PHYKPL: variants seen among roughly 807,000 people sequenced by gnomAD.
PHYKPL encodes 5-phosphohydroxy-L-lysine phospho-lyase, also known as 5-phosphonooxy-L-lysine phospho-lyase.
A neutral mutation model predicts 51.3 loss-of-function variants in PHYKPL; 42 were observed. The ratio of observed to expected loss-of-function variants is 0.82; its 90% confidence interval spans 0.64 to 1.06. PHYKPL has a LOEUF of 1.06. Among genes scored for constraint, PHYKPL ranks in the 50% least tolerant of loss-of-function variants. The pLI is 0.00. For synonymous variants in PHYKPL, 264 were observed against 236.0 expected, an observed-to-expected ratio of 1.12 and a Z score of -1.09; for missense variants, 655 against 586.6, an observed-to-expected ratio of 1.12 and a Z score of -1.20.
rs767243282 is a variant in PHYKPL, at chr5:178,225,458, GAGAGT to G, written c.339-34_339-30del. The G allele has an allele frequency of 1.9e-6, 3 of 1,612,644 alleles. No homozygotes were observed. In the South Asian group the frequency reaches 3.3e-5, roughly 18 times the overall value. ...TGACCGAAAAGGTGGGCATGACTGA[GAGAGT>G]AGTCTAAGAGCTTCCCAGAGAGAAA... On this transcript the variant is annotated intron_variant, in intron 3 of 12. Coordinates refer to ENST00000308158, the MANE Select transcript of PHYKPL (RefSeq NM_153373.4).
intron 8 of PHYKPL, chr5:178,216,148 C>T (rs1759734419): frequency 6.6e-6 from 1 of 151,570 alleles, no homozygotes; most frequent in African/African-American, 2.4e-5. Context: ...TGCAACCGTC[C>T]CGCTACTACT....
At chr5:178,212,023 T>G (rs1758608830) in intron 11 of PHYKPL, 53 bp from the exon 12 acceptor site, 1 of 1,594,550 alleles carries the variant, frequency 6.3e-7, no homozygotes. Flanking sequence ...CTGCTGAAGA[T>G]GCCCTGTTGA....
intron 4 of PHYKPL, chr5:178,225,007 A>C: frequency 1.8e-6 from 1 of 566,960 alleles, no homozygotes; most frequent in Non-Finnish European, 3.1e-6. Flanking sequence ...CTGGTTTATA[A>C]TGAATCTTAA....
chr5:178,212,304 T>A (rs1252145071), intron 11 of PHYKPL, among the ~76,000 whole-genome samples: 1 of 152,202 alleles, frequency 6.6e-6, no homozygotes, highest in Non-Finnish European at 1.5e-5. Flanking sequence ...AGCCCTGGGA[T>A]TAAGCATACC....
chr5:178,228,716 T>G, intron 3 of PHYKPL: 1 of 676,030 alleles, frequency 1.5e-6, no homozygotes, highest in Non-Finnish European at 2.7e-6. Flanking sequence ...TGTTGGAATG[T>G]TCTCTCCCAG....
chr5:178,231,850 T>C (rs879317445), intron 1 of PHYKPL: 1 of 1,343,904 alleles, frequency 7.4e-7, no homozygotes, highest in Non-Finnish European at 9.8e-7. Flanking sequence ...CCATGGGGAC[T>C]CCATAAGGCC....
At chr5:178,232,816 G>GCGCCCCGGGCCT (rs1160445557), upstream of PHYKPL, 1 of 305,956 alleles carries the variant, frequency 3.3e-6, no homozygotes, top group Non-Finnish European at 5.8e-6. Flanking sequence ...GTTCCGGGAC[G>GCGCCCCGGGCCT]CGCCCCGGGC....
chr5:178,213,856 G>A (rs910840085), intron 10 of PHYKPL, among the ~76,000 whole-genome samples: 5 of 152,234 alleles, frequency 3.3e-5, no homozygotes, highest in African/African-American at 1.2e-4. Flanking sequence ...GACGGCCCTG[G>A]GGCCAGATCT....
In PHYKPL at chr5:178,232,428, C is replaced by CGTGCGTGCGTGCGTA. The variant is rs1763695742; in HGVS notation, c.59+63_59+64insTACGCACGCACGCAC. The CGTGCGTGCGTGCGTA allele has an allele frequency of 3.1e-5, 43 of 1,367,768 alleles. No individual in the cohort carries two copies. The East Asian group carries it at 8.9e-4, about 28-fold the overall frequency. The allele number at this position is 1,367,768 out of a possible 1,614,324, so 84.7% of individuals were successfully genotyped here. On this transcript the variant is annotated intron_variant, in intron 1 of 12. Transcript: ENST00000308158. Reference sequence around the variant, plus strand: ...GTGCGTAGTGCGTGCGTGCGTGCGTCGTGCGTGCGCGTGCCTCTCCGCGCA... The same window carrying CGTGCGTGCGTGCGTA: ...GTGCGTAGTGCGTGCGTGCGTGCGTCGTGCGTGCGTGCGTAGTGCGTGCGCGTGCCTCTCCGCGCA...
intron 12 of PHYKPL, chr5:178,210,494 C>A (rs543597841): frequency 3.9e-6 from 6 of 1,544,254 alleles, no homozygotes; most frequent in Non-Finnish European, 5.4e-6. Context: ...GCATATCAAG[C>A]GCGTGGCACA....
intron 12 of PHYKPL, chr5:178,209,188 G>C (rs1757382554): frequency 2.8e-6 from 2 of 719,782 alleles, no homozygotes; most frequent in Admixed American, 4.2e-5. Flanking sequence ...TTAGCCCAAA[G>C]GTGGCCTCCC....
intron 3 of PHYKPL, among the ~76,000 whole-genome samples, chr5:178,227,165 G>C (rs1317970086): frequency 1.3e-5 from 2 of 151,788 alleles, no homozygotes; most frequent in Non-Finnish European, 2.9e-5. Flanking sequence ...ATTACATTAA[G>C]ATGAGGCCGT....
At chr5:178,208,093 T>C (rs892309240), downstream of PHYKPL, among the ~76,000 whole-genome samples, 2 of 152,198 alleles carry the variant, frequency 1.3e-5, no homozygotes, top group African/African-American at 4.8e-5. Context: ...AGTGGATTCA[T>C]GTGCAGGGAG....
chr5:178,219,818 C>G (rs1002853062), intron 8 of PHYKPL, among the ~76,000 whole-genome samples: 3 of 152,086 alleles, frequency 2.0e-5, no homozygotes, highest in Non-Finnish European at 2.9e-5. Context: ...TTCACGTAAT[C>G]TGAAATCAGG....
intron 12 of PHYKPL, chr5:178,210,744 T>G (rs752013182): frequency 1.7e-4 from 126 of 762,124 alleles, no homozygotes; most frequent in Non-Finnish European, 2.6e-4. Context: ...TGCATCTTAT[T>G]TAAAATTTCC....
intron 10 of PHYKPL, 21 bp from the exon 11 acceptor site, chr5:178,213,124 T>A: frequency 6.2e-7 from 1 of 1,612,806 alleles, no homozygotes; most frequent in Non-Finnish European, 8.5e-7. Flanking sequence ...AGGACACCCC[T>A]TCACATGGCC....
intron 8 of PHYKPL, among the ~76,000 whole-genome samples, chr5:178,218,240 A>C (rs1292214511): frequency 1.6e-5 from 2 of 127,082 alleles, no homozygotes; most frequent in African/African-American, 5.3e-5. Context: ...AAAAAAAAAG[A>C]AAGAAAAGAA....
At chr5:178,223,605 T>A (rs2113909411) in intron 6 of PHYKPL, 1 of 396,448 alleles carries the variant, frequency 2.5e-6, no homozygotes, top group Middle Eastern at 4.8e-4. Flanking sequence ...TTAGGTTTTA[T>A]AGAAGTGGTC....
At position 178,215,644 on chromosome 5, in the gene PHYKPL, G is replaced by T; in HGVS notation, c.928-214C>A. 17 of 567,368 alleles carry T rather than the reference G, an allele frequency of 3.0e-5. No homozygotes were observed. The South Asian group carries it at 4.1e-4, about 14-fold the overall frequency. 35.1% of individuals were successfully genotyped at this position (567,368 alleles called of 1,614,324 possible). A position where few individuals can be genotyped will look rare whatever the true frequency, so the allele number is the denominator to read the frequency against. On this transcript the variant is annotated intron_variant, in intron 8 of 12. Coordinates refer to ENST00000308158, the MANE Select transcript of PHYKPL (RefSeq NM_153373.4). ...AGGAGCTAATGTGACTGCAACTCAG[G>T]TCAGGTATCCCTGAAGTACAGTAGG...
Sources: gnomAD v4.1 joint callset for allele counts (sites outside exome capture counted in the v4.1 genomes callset) on GRCh38, gnomAD v4.1.1 for gene constraint, MANE v1.5 for transcripts, NCBI Gene and HGNC (gene_info 2026-07-23, HGNC 2026-07-21) for gene names.